ZNF778: variants seen among roughly 807,000 people sequenced by gnomAD.
ZNF778 encodes zinc finger protein 778.
Under a neutral mutation model 23.9 loss-of-function variants are expected in ZNF778, and 37 were observed. The observed-to-expected ratio is 1.54, with a 90% CI of 1.19 to 2.03. ZNF778 has a LOEUF of 2.03. Among genes scored for constraint, ZNF778 ranks in the 30% most tolerant of loss-of-function variants. The pLI is 0.00. For synonymous variants in ZNF778, 483 were observed against 343.9 expected (o/e 1.40, Z -4.48); for missense variants, 1,297 against 934.4 (o/e 1.39, Z -5.06).
At position 89,232,869 on chromosome 16, in the gene ZNF778, C is replaced by T. The variant is rs753163596; in HGVS notation, c.*4307C>T. The T allele has an allele frequency of 1.1e-5, 14 of 1,220,352 alleles. No homozygotes were observed. Among genetic ancestry groups the T allele is most frequent in the Middle Eastern group, 2.3e-4 (1 of 4,342 alleles). The allele number at this position is 1,220,352 out of a possible 1,614,324, so 75.6% of individuals were successfully genotyped here. ...CACACCGTGTATGCAAATCAACTCGCACTGCGTATGCAACTCAACTCGCAC... is the reference window on the plus strand; with the variant it reads ...CACACCGTGTATGCAAATCAACTCGTACTGCGTATGCAACTCAACTCGCAC... On this transcript the variant is annotated 3_prime_UTR_variant, in exon 7 of 7. Coordinates refer to ENST00000433976, the MANE Select transcript of ZNF778 (RefSeq NM_001201407.2).
chr16:89,234,309 G>C lies in ZNF778; in HGVS notation c.*5747G>C, dbSNP rs2032172874. 3.0e-6 allele frequency: 1 copy of C among 336,934 alleles called. No homozygotes were observed. The highest frequency in any genetic ancestry group is 2.1e-5 in the African/African-American group (1 of 46,654). 20.9% of individuals were successfully genotyped at this position (336,934 alleles called of 1,614,324 possible). ...TAGGAACTGCCATGTTGACTCCTGG[G>C]CAGTTTTATTCTTTCTCTCTACTCG... On this transcript the variant is annotated 3_prime_UTR_variant, in exon 7 of 7. Coordinates refer to ENST00000433976, the MANE Select transcript of ZNF778 (RefSeq NM_001201407.2).
At chr16:89,220,780 G>C (rs778917419) in intron 1 of ZNF778, among the ~76,000 whole-genome samples, 1 of 152,180 alleles carries the variant, frequency 6.6e-6, no homozygotes, top group Non-Finnish European at 1.5e-5. Context: ...TTTTAGGTAT[G>C]AACACGGGTG....
At position 89,228,003 on chromosome 16, in the gene ZNF778, A is replaced by G; in HGVS notation, c.1715A>G (p.Asn572Ser). ...ACGGTATGCAGGAAATCCTTCAGAA[A>G]TTCCTCGTGCCTGAATAAGCACATT... ...ICTVCRKSFR[N>S]SSCLNKHIQI... is the part of the protein sequence containing the mutation. Residue 572 changes from asparagine (N) to serine (S), a missense_variant, in exon 7 of 7, where the codon AAT (asparagine) becomes AGT (serine). Physicochemically the swap from Asn to Ser is conservative, Grantham distance 46. Transcript: ENST00000433976. The G allele has an allele frequency of 6.3e-7, 1 of 1,589,284 alleles. No individual in the cohort carries two copies. The highest frequency in any genetic ancestry group is 8.6e-7 in the Non-Finnish European group (1 of 1,164,716).
intron 2 of ZNF778, among the ~76,000 whole-genome samples, chr16:89,221,525 G>T (rs1567497078): frequency 6.6e-6 from 1 of 152,016 alleles, no homozygotes. Context: ...GTGTCTGTGT[G>T]TGTTTTCCTG....
chr16:89,224,655 C>T (rs901331316), intron 4 of ZNF778, 64 bp from the exon 5 acceptor site: 2 of 1,164,722 alleles, frequency 1.7e-6, no homozygotes, highest in African/African-American at 1.5e-5. Context: ...AGTTCCTGTT[C>T]ACGGGTAGGT....
Position 89,225,629 on chromosome 16 carries a change from A to T in ZNF778, c.403A>T (p.Thr135Ser). 9.3e-6 allele frequency: 15 copies of T among 1,611,938 alleles called. No individual in the cohort carries two copies. Among genetic ancestry groups the T allele is most frequent in the Non-Finnish European group, 1.2e-5 (14 of 1,178,560 alleles). ...GTTCAGAGCATCAAATGAGACACAG[A>T]CGGTAAGATTAACAAGAGAGATTTT... Reference protein sequence around the residue: ...SWFRASNETQTARSHNGGQLC... With the variant: ...SWFRASNETQSARSHNGGQLC... Residue 135 changes from threonine (T) to serine (S), a missense_variant and splice_region_variant, in exon 6 of 7, where the codon ACG (threonine) becomes TCG (serine). By Grantham distance (58) the Thr-to-Ser change is moderately conservative (BLOSUM62 1). Transcript: ENST00000433976.
intron 5 of ZNF778, 134 bp from the exon 6 acceptor site, chr16:89,225,421 C>T: frequency 1.5e-6 from 1 of 650,924 alleles, no homozygotes; most frequent in South Asian, 1.9e-5. Context: ...CTCCCAGTTC[C>T]TATGATTCCA....
chr16:89,220,927 A>G, intron 1 of ZNF778, 70 bp from the exon 2 acceptor site: 1 of 590,044 alleles, frequency 1.7e-6, no homozygotes, highest in South Asian at 1.9e-5. Context: ...CACATATATC[A>G]TCTGCAGAAA....
At chr16:89,220,009 T>C (rs1050753595) in intron 1 of ZNF778, among the ~76,000 whole-genome samples, 22 of 152,236 alleles carry the variant, frequency 1.4e-4, no homozygotes, top group Admixed American at 1.2e-3. Context: ...GTTCATTTTC[T>C]GTTCACTGTA....
intron 6 of ZNF778, among the ~76,000 whole-genome samples, chr16:89,226,414 AG>A (rs758086211): frequency 1.8e-4 from 27 of 152,248 alleles, no homozygotes; most frequent in Middle Eastern, 3.4e-3. Flanking sequence ...CATGTTGGTC[AG>A]GCTGGTCTTG....
In ZNF778 at chr16:89,232,988, G is replaced by A. The variant is rs144098962; in HGVS notation, c.*4426G>A. The A allele has an allele frequency of 1.7e-5, 22 of 1,261,858 alleles. 1 individual carries two copies. The highest frequency in any genetic ancestry group is 1.2e-4 in the East Asian group (2 of 16,382). The allele number at this position is 1,261,858 out of a possible 1,614,324, so 78.2% of individuals were successfully genotyped here. A position where few individuals can be genotyped will look rare whatever the true frequency, so the allele number is the denominator to read the frequency against. ...GCGTATGCAACTGAGCTCGCTCTGCGTATGCAACCCAGCTCGCTCTGCGTA... is the reference window on the plus strand; with the variant it reads ...GCGTATGCAACTGAGCTCGCTCTGCATATGCAACCCAGCTCGCTCTGCGTA... On this transcript the variant is annotated 3_prime_UTR_variant, in exon 7 of 7. Transcript: ENST00000433976.
chr16:89,224,943 T>G, intron 5 of ZNF778, 141 bp downstream of exon 5: 1 of 569,078 alleles, frequency 1.8e-6, no homozygotes, highest in East Asian at 3.2e-5. Context: ...TTAGCGGCTG[T>G]GGAAGAATCC....
At position 89,221,782 on chromosome 16, in the gene ZNF778, CTG is replaced by C. The variant is rs57569493; in HGVS notation, c.26-292_26-291del. On this transcript the variant is annotated intron_variant, in intron 2 of 6. Transcript: ENST00000433976. ...ATGGGAATTCCCTCGCTCTGTATGA[CTG>C]TGTGTGTGTGTGTGTGTTCCTCAGG... is the stretch of plus-strand genomic sequence containing the variant. 1.5e-3 allele frequency among the ~76,000 whole-genome samples: 222 copies of C among 143,624 alleles called. 2 individuals carry two copies. Among genetic ancestry groups the C allele is most frequent in the African/African-American group, 5.1e-3 (194 of 38,408 alleles). The allele number at this position is 143,624 out of a possible 152,430, so 94.2% of individuals were successfully genotyped here.
In ZNF778 at chr16:89,224,767, A is replaced by C; in HGVS notation, c.293A>C (p.Glu98Ala). The change falls in exon 5 of 7, where the codon GAG becomes GCG. Residue 98 changes from glutamate (E) to alanine (A), a missense_variant. Glu to Ala is a moderately radical substitution (Grantham distance 107). Coordinates refer to ENST00000433976, the MANE Select transcript of ZNF778 (RefSeq NM_001201407.2). ...GTGATCTATTGGCTGGAGCAGGAAG[A>C]GGAGTTGAGGGCAGGGCGGAGAGCA... ...PSVIYWLEQEEELRAGRRAVL... is the reference protein window; with the variant it reads ...PSVIYWLEQEAELRAGRRAVL... The C allele has an allele frequency of 6.5e-7, 1 of 1,531,020 alleles. No homozygotes were observed. Among genetic ancestry groups the C allele is most frequent in the Admixed American group, 2.0e-5 (1 of 49,954 alleles). 94.8% of individuals were successfully genotyped at this position (1,531,020 alleles called of 1,614,324 possible).
rs1209171287 is a variant in ZNF778 at position 89,230,348 on chromosome 16, C to G, written c.*1786C>G. ...TTAGGCAGTGCCGGACGGGTGAGAG[C>G]CCTGAGTGTCCTTGTTGACCTCCAG... On this transcript the variant is annotated 3_prime_UTR_variant, in exon 7 of 7. Transcript: ENST00000433976. The G allele has an allele frequency of 6.5e-6, 1 of 152,728 alleles. No individual in the cohort carries two copies. Among genetic ancestry groups the G allele is most frequent in the African/African-American group, 2.4e-5 (1 of 41,432 alleles). 9.5% of individuals were successfully genotyped at this position (152,728 alleles called of 1,614,324 possible).
At chr16:89,224,649 C>A in intron 4 of ZNF778, 70 bp from the exon 5 acceptor site, 2 of 1,096,824 alleles carry the variant, frequency 1.8e-6, no homozygotes, top group Non-Finnish European at 2.7e-6. Flanking sequence ...AAATGTAGTT[C>A]CTGTTCACGG....
chr16:89,229,565 T>C lies in ZNF778; in HGVS notation c.*1003T>C, dbSNP rs2031796079. On this transcript the variant is annotated 3_prime_UTR_variant, in exon 7 of 7. Transcript: ENST00000433976. ...GTTAGTCTTGAGGATCCAGATGTGA[T>C]TCTGTGAGCAGCGTAGGCTCTGGTT... 4.1e-6 allele frequency: 4 copies of C among 978,262 alleles called. No individual in the cohort carries two copies. The allele number at this position is 978,262 out of a possible 1,614,324, so 60.6% of individuals were successfully genotyped here.
chr16:89,226,264 G>A (rs966943634), intron 6 of ZNF778, among the ~76,000 whole-genome samples: 4 of 151,936 alleles, frequency 2.6e-5, no homozygotes, highest in African/African-American at 4.8e-5. Flanking sequence ...GGAATGCAAC[G>A]GCGCAATCTT....
chr16:89,225,772 A>G, intron 6 of ZNF778, 141 bp downstream of exon 6: 1 of 757,874 alleles, frequency 1.3e-6, no homozygotes. Flanking sequence ...AACACTCTGA[A>G]TGTGCGGAAT....
Sources: allele counts gnomAD v4.1 joint callset (sites outside exome capture counted in the v4.1 genomes callset), GRCh38; gene constraint gnomAD v4.1.1; transcripts MANE v1.5; gene names NCBI Gene and HGNC (gene_info 2026-07-23, HGNC 2026-07-21).